The following FSCN2 variants were observed in gnomAD, a reference collection of about 807,000 sequenced individuals.
FSCN2 encodes fascin actin-bundling protein 2, retinal.
In FSCN2, 46 loss-of-function variants were observed where a neutral mutation model predicts 37.8. The ratio of observed to expected loss-of-function variants is 1.22; its 90% CI spans 0.96 to 1.56. FSCN2 has a LOEUF of 1.56. Among genes scored for constraint, FSCN2 ranks in the 40% most tolerant of loss-of-function variants. The pLI is 0.00. For missense variants in FSCN2, 844 were observed against 730.4 expected, an observed-to-expected ratio of 1.16 and a Z score of -1.79; for synonymous variants, 351 against 309.4, an observed-to-expected ratio of 1.13 and a Z score of -1.41.
At chr17:81,531,714 ATGG>A (rs1568077997) in intron 1 of FSCN2, among the ~76,000 whole-genome samples, 1,004 of 93,354 alleles carry the variant, frequency 0.011, 59 homozygotes, top group African/African-American at 0.044. Context: ...GATGATAGTG[ATGG>A]TGGTGATGGT....
At chr17:81,528,053 C>A (rs776585541), upstream of FSCN2, among the ~76,000 whole-genome samples, 1 of 151,852 alleles carries the variant, frequency 6.6e-6, no homozygotes, top group Non-Finnish European at 1.5e-5. Flanking sequence ...CTTCTACATC[C>A]GGAAGGGCTG....
chr17:81,534,274 T>G (rs2032782178), intron 1 of FSCN2, among the ~76,000 whole-genome samples: 1 of 151,980 alleles, frequency 6.6e-6, no homozygotes, highest in Non-Finnish European at 1.5e-5. Context: ...TCAGGCCCTG[T>G]GGGGGCTCTG....
At chr17:81,522,146 AC>A in the FSCN2 span, among the ~76,000 whole-genome samples, 1 of 152,260 alleles carries the variant, frequency 6.6e-6, no homozygotes, top group South Asian at 2.1e-4. Context: ...AGCTGGGATT[AC>A]AGGCGTGGAC....
At chr17:81,524,637 C>T (rs1381068049), upstream of FSCN2, among the ~76,000 whole-genome samples, 2 of 152,182 alleles carry the variant, frequency 1.3e-5, no homozygotes, top group South Asian at 2.1e-4. Flanking sequence ...GGGAGGGGTG[C>T]TTCCTGTTGC....
At position 81,536,891 on chromosome 17, in the gene FSCN2, C is replaced by T. The variant is rs775226020; in HGVS notation, c.1290C>T (p.Phe430=). The T allele has an allele frequency of 5.1e-6, 8 of 1,579,028 alleles. No individual in the cohort carries two copies. In the African/African-American group the frequency reaches 5.5e-5, roughly 11 times the overall value. The change falls in exon 5 of 5, where the codon TTC becomes TTT. Residue 430 remains phenylalanine, a synonymous_variant. Transcript: ENST00000417245. The part of the protein sequence containing the change: ...AYRIRGRDGG[F]WYTGSHGSVC... The stretch of plus-strand genomic sequence containing the variant: ...GTCCCCCAGGCCGCGACGGAGGGTT[C>T]TGGTACACGGGCAGCCACGGCAGCG...
intron 1 of FSCN2, among the ~76,000 whole-genome samples, chr17:81,529,931 T>A (rs2032493482): frequency 6.6e-6 from 1 of 152,238 alleles, no homozygotes. Flanking sequence ...TGCCTCAGCC[T>A]CCCGAGTAGC....
Position 81,529,277 on chromosome 17 carries a change from A to G in FSCN2, c.746A>G (p.Asp249Gly), listed in dbSNP as rs1555670829. Reference sequence around the variant, plus strand: ...GGCCGAAACACGCGACCTGGCAAGGATGAGCTCTTTGATCTGGAGGAGAGT... The same window carrying G: ...GGCCGAAACACGCGACCTGGCAAGGGTGAGCTCTTTGATCTGGAGGAGAGT... Reference protein sequence around the residue: ...KAGRNTRPGKDELFDLEESHP... With the variant: ...KAGRNTRPGKGELFDLEESHP... Residue 249 changes from aspartate to glycine, a missense_variant, in exon 1 of 5, where the codon GAT becomes GGT. Transcript: ENST00000417245. 1 of 1,589,700 alleles carries G rather than the reference A, an allele frequency of 6.3e-7. No individual in the cohort carries two copies. Among genetic ancestry groups the G allele is most frequent in the Admixed American group, 1.7e-5 (1 of 58,662 alleles).
chr17:81,524,950 C>T (rs1222500067), upstream of FSCN2, among the ~76,000 whole-genome samples: 1 of 150,600 alleles, frequency 6.6e-6, no homozygotes, highest in Non-Finnish European at 1.5e-5. Context: ...AACGCTGCAC[C>T]CATGGGCAGA....
chr17:81,517,860 C>T, the FSCN2 span, among the ~76,000 whole-genome samples: 2 of 150,908 alleles, frequency 1.3e-5, no homozygotes, highest in African/African-American at 4.9e-5. Context: ...TCACAGATTG[C>T]AGGGGAGGAG....
At chr17:81,515,146 C>A in the FSCN2 span, among the ~76,000 whole-genome samples, 1 of 152,078 alleles carries the variant, frequency 6.6e-6, no homozygotes, top group Admixed American at 6.5e-5. Context: ...CAGGGCGAGG[C>A]CTGGAGCCCG....
chr17:81,522,694 G>T, the FSCN2 span, among the ~76,000 whole-genome samples: 1 of 151,508 alleles, frequency 6.6e-6, no homozygotes, highest in African/African-American at 2.4e-5. Flanking sequence ...CAGGGGCTGG[G>T]CAGAGGCCGC....
chr17:81,515,127 G>C, the FSCN2 span, among the ~76,000 whole-genome samples: 1 of 152,008 alleles, frequency 6.6e-6, no homozygotes, highest in African/African-American at 2.4e-5. Flanking sequence ...TGGGATGCGG[G>C]CGGGCGGGCA....
chr17:81,532,817 C>T (rs1427495076), intron 1 of FSCN2, among the ~76,000 whole-genome samples: 2 of 151,516 alleles, frequency 1.3e-5, no homozygotes, highest in Non-Finnish European at 2.9e-5. Context: ...CTGTATGGAC[C>T]ATTTTTCAGT....
chr17:81,515,918 C>T, the FSCN2 span, among the ~76,000 whole-genome samples: 3 of 152,282 alleles, frequency 2.0e-5, no homozygotes, highest in African/African-American at 7.2e-5. Flanking sequence ...GATCTTGGCT[C>T]GCTGCAACCT....
chr17:81,529,509 A>C (rs773534844), intron 1 of FSCN2, 152 bp downstream of exon 1: 45 of 808,046 alleles, frequency 5.6e-5, no homozygotes, highest in Non-Finnish European at 9.3e-5. Flanking sequence ...ATGTGTGGCC[A>C]CTCAGGGTGT....
intron 1 of FSCN2, among the ~76,000 whole-genome samples, chr17:81,534,517 T>A (rs892782659): frequency 1.6e-4 from 24 of 151,914 alleles, no homozygotes; most frequent in African/African-American, 5.6e-4. Flanking sequence ...GAACCCCAGA[T>A]GGAGCCCGGG....
chr17:81,536,710 C>T lies in FSCN2; in HGVS notation c.1194C>T (p.Gly398=), dbSNP rs1056621494. The T allele has an allele frequency of 1.9e-6, 3 of 1,611,370 alleles. No individual in the cohort carries two copies. In the South Asian group the frequency reaches 3.3e-5, roughly 18 times the overall value. The change falls in exon 4 of 5, where the codon GGC becomes GGT. Residue 398 remains glycine (G), a synonymous_variant. Coordinates refer to ENST00000417245, the MANE Select transcript of FSCN2 (RefSeq NM_012418.4). The stretch of plus-strand genomic sequence containing the variant: ...ACGGCTTCGTCTGCCACCACCGCGG[C>T]TCCAACCAGCTGGACACCAACCGCT... ...GLDGFVCHHR[G]SNQLDTNRSV...
intron 1 of FSCN2, chr17:81,529,581 C>G: frequency 1.3e-6 from 1 of 752,660 alleles, no homozygotes; most frequent in Non-Finnish European, 2.4e-6. Context: ...GCTTCAGGGT[C>G]AGAGGCAAGG....
chr17:81,518,044 C>A, the FSCN2 span, among the ~76,000 whole-genome samples: 1 of 152,140 alleles, frequency 6.6e-6, no homozygotes, highest in African/African-American at 2.4e-5. Flanking sequence ...CCCCATGTTT[C>A]AAATCCCCGC....
Sources: gnomAD v4.1 joint callset for allele counts (sites outside exome capture counted in the v4.1 genomes callset) on GRCh38, gnomAD v4.1.1 for gene constraint, MANE v1.5 for transcripts, NCBI Gene and HGNC (gene_info 2026-07-23, HGNC 2026-07-21) for gene names.